Variants in SH3TC1 observed in about 807,000 individuals in gnomAD.
The protein encoded by SH3TC1 is SH3 domain and tetratricopeptide repeat-containing protein 1.
Under a neutral mutation model 117.3 loss-of-function variants are expected in SH3TC1, and 135 were observed. The ratio of observed to expected loss-of-function variants is 1.15; its 90% confidence interval spans 1.00 to 1.33. The LOEUF (loss-of-function observed/expected upper bound fraction) is 1.33, where lower values mean the gene tolerates loss of function less well. Among genes scored for constraint, SH3TC1 ranks in the 40% most tolerant of loss-of-function variants. The pLI, the probability that SH3TC1 is intolerant of heterozygous loss-of-function variation, is 0.00. For synonymous variants in SH3TC1, 898 were observed against 816.9 expected (o/e 1.10, Z -1.69); for missense variants, 2,092 against 1,794.3 (o/e 1.17, Z -3.00).
chr4:8,229,545 T>C (rs1406688648), intron 12 of SH3TC1, among the ~76,000 whole-genome samples: 1 of 120,244 alleles, frequency 8.3e-6, no homozygotes, highest in African/African-American at 3.2e-5. Flanking sequence ...TAAGTGGGGG[T>C]GAGTGAGCAG....
intron 13 of SH3TC1, 181 bp downstream of exon 13, chr4:8,232,337 G>A (rs535853358): frequency 2.1e-5 from 33 of 1,541,514 alleles, no homozygotes; most frequent in Non-Finnish European, 2.7e-5. Flanking sequence ...CTGATGACCC[G>A]TGAGTCCCAG....
intron 12 of SH3TC1, among the ~76,000 whole-genome samples, chr4:8,230,034 TCATGCTTCCCTGTCTCCCCACCCCGC>T: frequency 6.6e-6 from 1 of 151,158 alleles, no homozygotes; most frequent in African/African-American, 2.4e-5. Flanking sequence ...GGGACGAGGA[TCATGCTTCCCTGTCTCCCCACCCCGC>T]GTTGAACAGT....
chr4:8,210,537 C>T lies in SH3TC1; in HGVS notation c.247+715C>T, dbSNP rs190982509. On this transcript the variant is annotated intron_variant, in intron 3 of 17. Coordinates refer to ENST00000245105, the MANE Select transcript of SH3TC1 (RefSeq NM_018986.5). The surrounding 1 kb of genome is among the most constrained non-coding windows in gnomAD (Gnocchi z 4.1). ...CTGTAATCCCAGCACTTTGGGAGGC[C>T]GAGGCGGGTGGATCACTTGAGGTCA... Among the ~76,000 whole-genome samples, 2,195 of 152,110 alleles carry T rather than the reference C, an allele frequency of 0.014. 26 individuals carry two copies. The highest frequency in any genetic ancestry group is 0.02 in the Non-Finnish European group (1,372 of 67,976).
At chr4:8,222,161 T>C (rs565742460) in intron 9 of SH3TC1, among the ~76,000 whole-genome samples, 32 of 152,080 alleles carry the variant, frequency 2.1e-4, no homozygotes, top group African/African-American at 7.5e-4. Flanking sequence ...GAGTTTACAA[T>C]GTGGAGAGAT....
In SH3TC1 at chr4:8,205,365, C is replaced by A. The variant is rs149263292; in HGVS notation, c.171C>A (p.Gly57=). 3 of 1,545,282 alleles carry A rather than the reference C, an allele frequency of 1.9e-6. No homozygotes were observed. Among genetic ancestry groups the A allele is most frequent in the South Asian group, 1.2e-5 (1 of 83,292 alleles). ...GPEEAKAPVR[G]DEAPPARVAG... The stretch of plus-strand genomic sequence containing the variant: ...AGGAGGCCAAGGCGCCAGTGAGAGG[C>A]GGTGAGTTCATTCCACCCTCACCAC... Residue 57 remains glycine (G), a splice_region_variant and synonymous_variant, in exon 2 of 18, where the codon GGC becomes GGA. Transcript: ENST00000245105. This position sits in a 1 kb window ranked among gnomAD's most constrained non-coding sequence, Gnocchi z 5.4.
rs191205315 is a variant in SH3TC1, at chr4:8,221,431, A to G, written c.1113-1409A>G. The stretch of plus-strand genomic sequence containing the variant: ...GTTTTCATCTTTTATTTAGTGAACA[A>G]CCTGGTAGCTCTTCTTTTTTTTTTT... On this transcript the variant is annotated intron_variant, in intron 9 of 17. Coordinates refer to ENST00000245105, the MANE Select transcript of SH3TC1 (RefSeq NM_018986.5). Among the ~76,000 whole-genome samples, 285 of 149,966 alleles carry G rather than the reference A, an allele frequency of 1.9e-3. 1 individual carries two copies. Among genetic ancestry groups the G allele is most frequent in the African/African-American group, 6.5e-3 (267 of 40,984 alleles).
chr4:8,189,353 G>C (rs941651344), intron 1 of SH3TC1, among the ~76,000 whole-genome samples: 1 of 152,272 alleles, frequency 6.6e-6, no homozygotes, highest in African/African-American at 2.4e-5. Context: ...TCCCAGGAGG[G>C]GCGGAGCATG....
rs1022844300 is a variant in SH3TC1 at position 8,192,447 on chromosome 4, C to CTTTTAT, written c.-57+10240_-57+10241insTATTTT. Among the ~76,000 whole-genome samples the CTTTTAT allele has an allele frequency of 2.9e-3, 398 of 138,464 alleles. 3 individuals carry two copies. Among genetic ancestry groups the CTTTTAT allele is most frequent in the African/African-American group, 0.01 (379 of 37,092 alleles). 90.8% of individuals were successfully genotyped at this position (138,464 alleles called of 152,430 possible). On this transcript the variant is annotated intron_variant, in intron 1 of 16. Transcript: ENST00000508641. This position sits in a 1 kb window ranked among gnomAD's most constrained non-coding sequence, Gnocchi z 4.1. ...ACAATCTTCTTATCCAACCACTTGTCTTTATTTTATTTTATTTTATTTTAT... is the reference window on the plus strand; with the variant it reads ...ACAATCTTCTTATCCAACCACTTGTCTTTTATTTTATTTTATTTTATTTTATTTTAT...
rs1418224065 is a variant in SH3TC1, at chr4:8,217,178, G to A, written c.839+11G>A. 2 of 1,590,946 alleles carry A rather than the reference G, an allele frequency of 1.3e-6. No individual in the cohort carries two copies. The highest frequency in any genetic ancestry group is 1.8e-5 in the Admixed American group (1 of 56,486). ...GATTCCATTTCATCAGTAGGTACCG[G>A]CCTTTGCTGCTCTGAGAGCTGTTGG... On this transcript the variant is annotated intron_variant, in intron 7 of 17. Transcript: ENST00000245105.
chr4:8,202,816 C>T (rs759323457), intron 1 of SH3TC1, among the ~76,000 whole-genome samples: 21 of 152,218 alleles, frequency 1.4e-4, no homozygotes, highest in Non-Finnish European at 3.1e-4. Context: ...ACGGAACCAT[C>T]ACTATTCTGT....
chr4:8,204,183 A>G (rs1042184062), intron 1 of SH3TC1, among the ~76,000 whole-genome samples: 4 of 152,056 alleles, frequency 2.6e-5, no homozygotes, highest in African/African-American at 4.8e-5. Flanking sequence ...CTGGCCACTG[A>G]GGGGCTTCAA....
intron 17 of SH3TC1, 66 bp downstream of exon 17, chr4:8,237,736 C>T (rs1211084538): frequency 6.7e-6 from 10 of 1,484,162 alleles, no homozygotes; most frequent in Non-Finnish European, 9.1e-6. Flanking sequence ...CCACCCAGAC[C>T]CCTGAGGCAT....
chr4:8,218,209 A>AGGC, intron 7 of SH3TC1, 62 bp from the exon 8 acceptor site: 1 of 1,376,844 alleles, frequency 7.3e-7, no homozygotes, highest in East Asian at 2.3e-5. Flanking sequence ...CAGTCTCTGC[A>AGGC]CAGGATGTAT....
intron 1 of SH3TC1, among the ~76,000 whole-genome samples, chr4:8,185,901 T>C (rs1344401911): frequency 6.6e-6 from 1 of 152,210 alleles, no homozygotes; most frequent in Non-Finnish European, 1.5e-5. Flanking sequence ...TGGGCCCCAC[T>C]GGCACCATGC....
At chr4:8,212,478 T>C (rs912343059) in intron 3 of SH3TC1, among the ~76,000 whole-genome samples, 1 of 152,190 alleles carries the variant, frequency 6.6e-6, no homozygotes, top group Non-Finnish European at 1.5e-5. Context: ...GGACAGGCAC[T>C]CACCCCGAAA....
Position 8,186,170 on chromosome 4 carries a change from G to A in SH3TC1, c.-57+3960G>A, listed in dbSNP as rs770678992. Among the ~76,000 whole-genome samples, 12 of 152,220 alleles carry A rather than the reference G, an allele frequency of 7.9e-5. No individual in the cohort carries two copies. Among genetic ancestry groups the A allele is most frequent in the Non-Finnish European group, 1.6e-4 (11 of 68,048 alleles). On this transcript the variant is annotated intron_variant, in intron 1 of 16. Coordinates refer to the SH3TC1 transcript ENST00000508641. The surrounding 1 kb of genome is among the most constrained non-coding windows in gnomAD (Gnocchi z 5.2). ...GGTTTAATTAACAGCAGCTGCTGGCGGAGGGGCTGGGGCCAGCCTGACTCC... is the reference window on the plus strand; with the variant it reads ...GGTTTAATTAACAGCAGCTGCTGGCAGAGGGGCTGGGGCCAGCCTGACTCC...
Position 8,228,294 on chromosome 4 carries a change from A to G in SH3TC1, c.2600A>G (p.Asn867Ser), listed in dbSNP as rs1297448321. The change falls in exon 12 of 18, where the codon AAC becomes AGC. Residue 867 changes from asparagine (N) to serine (S), a missense_variant. Physicochemically the swap from Asn to Ser is conservative, Grantham distance 46. Transcript: ENST00000245105. The part of the protein sequence containing the change: ...ASEDQEGVIA[N>S]MVAVALKRTG... ...GAGGACCAGGAGGGCGTGATTGCCA[A>G]CATGGTGGCCGTGGCTCTGAAGAGG... 3.1e-6 allele frequency: 5 copies of G among 1,612,220 alleles called. No individual in the cohort carries two copies. The African/African-American group carries it at 6.7e-5, about 22-fold the overall frequency.
Position 8,227,980 on chromosome 4 carries a change from T to C in SH3TC1, c.2286T>C (p.Pro762=). 4.3e-6 allele frequency: 7 copies of C among 1,612,368 alleles called. No individual in the cohort carries two copies. Among genetic ancestry groups the C allele is most frequent in the Non-Finnish European group, 5.9e-6 (7 of 1,179,750 alleles). Residue 762 remains proline, a synonymous_variant, in exon 12 of 18, where the codon CCT becomes CCC. Coordinates refer to ENST00000245105, the MANE Select transcript of SH3TC1 (RefSeq NM_018986.5). Reference sequence around the variant, plus strand: ...ACGCCCCCCAGCCCCACAGCCTCCCTGCCCAAACTTCCCACTACCTCAGGC... The same window carrying C: ...ACGCCCCCCAGCCCCACAGCCTCCCCGCCCAAACTTCCCACTACCTCAGGC... ...LQNAPQPHSL[P]AQTSHYLRQA... is the part of the protein sequence containing the mutation.
chr4:8,220,304 A>C (rs1393542740), intron 9 of SH3TC1, among the ~76,000 whole-genome samples: 1 of 152,032 alleles, frequency 6.6e-6, no homozygotes, highest in Non-Finnish European at 1.5e-5. Context: ...TCTGGGTGAC[A>C]CGTGTGTCCT....
Sources: allele counts gnomAD v4.1 joint callset (sites outside exome capture counted in the v4.1 genomes callset), GRCh38; gene constraint gnomAD v4.1.1; non-coding constraint Gnocchi (gnomAD v3.1); transcripts MANE v1.5; gene names NCBI Gene and HGNC (gene_info 2026-07-23, HGNC 2026-07-21).